NTRK2: variants seen among roughly 807,000 people sequenced by gnomAD.
NTRK2 encodes the protein neurotrophic receptor tyrosine kinase 2.
A neutral mutation model predicts 94.5 loss-of-function variants in NTRK2; 13 were observed. The ratio of observed to expected loss-of-function variants is 0.14; its 90% CI spans 0.09 to 0.22. The LOEUF (loss-of-function observed/expected upper bound fraction) is 0.22, where lower values mean the gene tolerates loss of function less well. Among genes scored for constraint, NTRK2 ranks in the 10% least tolerant of loss-of-function variants. The pLI, the probability that NTRK2 is intolerant of heterozygous loss-of-function variation, is 1.00. For missense variants in NTRK2, 639 were observed against 1,071.2 expected (o/e 0.60, Z 5.63); for synonymous variants, 372 against 407.4 (o/e 0.91, Z 1.05).
At chr9:84,931,575 C>T (rs916290747) in intron 14 of NTRK2, among the ~76,000 whole-genome samples, 1 of 152,062 alleles carries the variant, frequency 6.6e-6, no homozygotes, top group Non-Finnish European at 1.5e-5. Context: ...CTCCTGCTTT[C>T]AAGGTCAACG....
chr9:84,994,641 C>T (rs1829518920), intron 17 of NTRK2, among the ~76,000 whole-genome samples: 1 of 152,194 alleles, frequency 6.6e-6, no homozygotes, highest in Non-Finnish European at 1.5e-5. Context: ...CACCATGACC[C>T]AGTTTTAGAC....
intron 14 of NTRK2, among the ~76,000 whole-genome samples, chr9:84,868,326 G>A (rs1264643035): frequency 6.6e-6 from 1 of 152,164 alleles, no homozygotes; most frequent in Non-Finnish European, 1.5e-5. Context: ...GAGGATTACT[G>A]CAAGATTAGG....
At chr9:84,842,346 T>G (rs2074234383) in intron 12 of NTRK2, among the ~76,000 whole-genome samples, 1 of 152,312 alleles carries the variant, frequency 6.6e-6, no homozygotes, top group South Asian at 2.1e-4. Context: ...TAAATCTGTG[T>G]TTTCTTATCT....
intron 2 of NTRK2, among the ~76,000 whole-genome samples, chr9:84,688,914 G>C (rs973835114): frequency 6.6e-6 from 1 of 152,192 alleles, no homozygotes; most frequent in East Asian, 1.9e-4. Context: ...GGTGGGTTAA[G>C]GGCTCCACTA....
At chr9:85,004,296 T>C (rs4242632) in intron 17 of NTRK2, among the ~76,000 whole-genome samples, 110,960 of 151,880 alleles carry the variant, frequency 0.73, 41,192 homozygotes, top group African/African-American at 0.82. Flanking sequence ...TTCTCTATAG[T>C]TTCCAGTTAA....
At chr9:85,003,295 C>G (rs928477375) in intron 17 of NTRK2, among the ~76,000 whole-genome samples, 2 of 152,156 alleles carry the variant, frequency 1.3e-5, no homozygotes, top group Non-Finnish European at 2.9e-5. Flanking sequence ...GAAAATTTCA[C>G]TCCTTCATCT....
chr9:84,825,744 C>T (rs2073145873), intron 12 of NTRK2, among the ~76,000 whole-genome samples: 1 of 152,202 alleles, frequency 6.6e-6, no homozygotes, highest in South Asian at 2.1e-4. Flanking sequence ...CCTATACCCC[C>T]ATATTAATAA....
At chr9:84,884,306 T>C (rs2076349767) in intron 14 of NTRK2, among the ~76,000 whole-genome samples, 1 of 152,218 alleles carries the variant, frequency 6.6e-6, no homozygotes, top group Admixed American at 6.5e-5. Context: ...AAATAAAAAC[T>C]CTTGCATATA....
At chr9:84,902,640 A>C (rs995700351) in intron 14 of NTRK2, among the ~76,000 whole-genome samples, 2 of 152,226 alleles carry the variant, frequency 1.3e-5, no homozygotes, top group African/African-American at 4.8e-5. Flanking sequence ...CAGGACTAGT[A>C]CTACAAAGAG....
At chr9:84,685,446 T>C (rs550677113) in intron 2 of NTRK2, among the ~76,000 whole-genome samples, 1 of 152,090 alleles carries the variant, frequency 6.6e-6, no homozygotes, top group South Asian at 2.1e-4. Flanking sequence ...TCTAGCGTGA[T>C]GATTATTCCA....
chr9:84,890,273 A>G (rs2076557104), intron 14 of NTRK2, among the ~76,000 whole-genome samples: 1 of 152,194 alleles, frequency 6.6e-6, no homozygotes, highest in African/African-American at 2.4e-5. Flanking sequence ...GTGATGGGTG[A>G]CAGCAGGTCC....
intron 15 of NTRK2, among the ~76,000 whole-genome samples, chr9:84,934,553 C>G (rs932795453): frequency 2.6e-5 from 4 of 152,190 alleles, no homozygotes; most frequent in African/African-American, 7.2e-5. Context: ...TCCATGCTAA[C>G]TGAATTTTGG....
Position 84,819,889 on chromosome 9 carries a change from C to T in NTRK2, c.1397-41151C>T, listed in dbSNP as rs1463105721. Among the ~76,000 whole-genome samples, 6 of 152,202 alleles carry T rather than the reference C, an allele frequency of 3.9e-5. No individual in the cohort carries two copies. The South Asian group carries it at 8.3e-4, about 21-fold the overall frequency. ...CCCCGCCCGCATCTCTCTGTGTGGC[C>T]CTACAATATATCTCTTCATTTGAAC... On this transcript the variant is annotated intron_variant, in intron 12 of 18. Coordinates refer to ENST00000277120, the MANE Select transcript of NTRK2 (RefSeq NM_006180.6).
chr9:84,703,285 T>TG (rs2060842140), intron 4 of NTRK2, among the ~76,000 whole-genome samples: 1 of 152,236 alleles, frequency 6.6e-6, no homozygotes, highest in African/African-American at 2.4e-5. Context: ...AGTCTATCTG[T>TG]GGGACCCTCA....
chr9:84,945,908 G>A lies in NTRK2; in HGVS notation c.1765-2554G>A, dbSNP rs139208429. The stretch of plus-strand genomic sequence containing the variant: ...TGAAAATAGTATTGATCCCGAGAGC[G>A]TGCCCTAATAAATGCCTCACCTGCT... On this transcript the variant is annotated intron_variant, in intron 15 of 18. Transcript: ENST00000277120. Among the ~76,000 whole-genome samples the A allele has an allele frequency of 1.7e-3, 253 of 152,224 alleles. 2 individuals carry two copies. The South Asian group carries it at 0.019, about 11-fold the overall frequency.
At chr9:84,806,639 G>C (rs1182372506) in intron 12 of NTRK2, among the ~76,000 whole-genome samples, 1 of 152,182 alleles carries the variant, frequency 6.6e-6, no homozygotes, top group African/African-American at 2.4e-5. Flanking sequence ...TATTCACCAT[G>C]TGAGTTGAGC....
At chr9:84,933,658 G>A (rs2078115443) in intron 14 of NTRK2, among the ~76,000 whole-genome samples, 2 of 152,328 alleles carry the variant, frequency 1.3e-5, no homozygotes, top group South Asian at 4.1e-4. Flanking sequence ...TAAAACTGAG[G>A]TGAGGCCAAA....
intron 8 of NTRK2, among the ~76,000 whole-genome samples, chr9:84,726,183 A>C (rs1375290061): frequency 3.3e-5 from 5 of 152,234 alleles, no homozygotes; most frequent in African/African-American, 2.4e-5. Flanking sequence ...GAAGCAATAA[A>C]TTATAAATAA....
At chr9:84,904,373 A>G (rs1587882817) in intron 14 of NTRK2, among the ~76,000 whole-genome samples, 1 of 152,278 alleles carries the variant, frequency 6.6e-6, no homozygotes, top group East Asian at 1.9e-4. Context: ...CATGACTTTT[A>G]ATTTATGGTT....
Sources: allele counts gnomAD v4.1 joint callset (sites outside exome capture counted in the v4.1 genomes callset), GRCh38; gene constraint gnomAD v4.1.1; transcripts MANE v1.5; gene names NCBI Gene and HGNC (gene_info 2026-07-23, HGNC 2026-07-21).